FSTL4: variants seen among roughly 807,000 people sequenced by gnomAD.
The protein encoded by FSTL4 is follistatin-related protein 4.
A neutral mutation model predicts 78.2 loss-of-function variants in FSTL4; 28 were observed. That is an observed-to-expected ratio of 0.36 (90% CI 0.27 to 0.49). The LOEUF is 0.49. FSTL4 is among the 20% of genes least tolerant of loss of function. The probability of loss-of-function intolerance (pLI) is 0.98; values close to 1 mark genes in which losing one functional copy is unlikely to be tolerated. For synonymous variants in FSTL4, 422 were observed against 440.5 expected, an observed-to-expected ratio of 0.96 and a Z score of 0.53; for missense variants, 922 against 1,084.9, an observed-to-expected ratio of 0.85 and a Z score of 2.11.
intron 3 of FSTL4, among the ~76,000 whole-genome samples, chr5:133,458,928 G>A (rs1368803701): frequency 6.6e-6 from 1 of 152,202 alleles, no homozygotes; most frequent in Non-Finnish European, 1.5e-5. Context: ...ACCTGTTGTA[G>A]ACGGGGACGG....
At chr5:133,617,298 C>CAAAAA (rs145317097), upstream of FSTL4, among the ~76,000 whole-genome samples, 3 of 61,936 alleles carry the variant, frequency 4.8e-5, no homozygotes, top group Admixed American at 2.1e-4. Context: ...GACTCCATCT[C>CAAAAA]AAAAAAAAAA....
intron 4 of FSTL4, among the ~76,000 whole-genome samples, chr5:133,347,310 C>T (rs1453953020): frequency 6.6e-6 from 1 of 152,170 alleles, no homozygotes; most frequent in South Asian, 2.1e-4. Flanking sequence ...CCCTGGGCAG[C>T]GTACAGGTGA....
chr5:133,554,392 C>T (rs997340865), intron 3 of FSTL4, among the ~76,000 whole-genome samples: 1 of 152,306 alleles, frequency 6.6e-6, no homozygotes, highest in South Asian at 2.1e-4. Context: ...ATGACACTCG[C>T]GTCCTAATGG....
chr5:133,549,352 T>C (rs56102427), intron 3 of FSTL4, among the ~76,000 whole-genome samples: 64,487 of 151,896 alleles, frequency 0.42, 14,245 homozygotes, highest in African/African-American at 0.54. Context: ...TGCTCTGAAG[T>C]CTATCCTTTG....
At chr5:133,539,292 A>C (rs1033125387) in intron 3 of FSTL4, among the ~76,000 whole-genome samples, 13 of 152,258 alleles carry the variant, frequency 8.5e-5, no homozygotes, top group African/African-American at 3.1e-4. Context: ...TCCCATATGC[A>C]ATAATCCTCT....
chr5:133,635,749 C>A, the FSTL4 span, among the ~76,000 whole-genome samples: 2 of 151,934 alleles, frequency 1.3e-5, no homozygotes, highest in Admixed American at 6.6e-5. Flanking sequence ...GGTGACAGAG[C>A]GAGACTCCAT....
At chr5:133,541,717 CA>C (rs1759476394) in intron 3 of FSTL4, among the ~76,000 whole-genome samples, 1 of 152,092 alleles carries the variant, frequency 6.6e-6, no homozygotes, top group Admixed American at 6.5e-5. Context: ...ATCGTTTTGA[CA>C]AGTCCCCATG....
At chr5:133,560,205 T>C (rs776398357) in intron 3 of FSTL4, among the ~76,000 whole-genome samples, 1 of 152,172 alleles carries the variant, frequency 6.6e-6, no homozygotes, top group Admixed American at 6.5e-5. Flanking sequence ...CAGGTTCGGA[T>C]AGCATCACTG....
intron 4 of FSTL4, among the ~76,000 whole-genome samples, chr5:133,396,277 G>A (rs922998827): frequency 6.6e-6 from 1 of 152,182 alleles, no homozygotes; most frequent in East Asian, 1.9e-4. Flanking sequence ...CATGCCAGGT[G>A]CTGCTCCTGT....
At chr5:133,360,644 A>G (rs1755048001) in intron 4 of FSTL4, among the ~76,000 whole-genome samples, 1 of 152,226 alleles carries the variant, frequency 6.6e-6, no homozygotes, top group Non-Finnish European at 1.5e-5. Flanking sequence ...GAGATGACAC[A>G]TTTAAAAAGT....
chr5:133,800,028 C>T, the FSTL4 span, among the ~76,000 whole-genome samples: 1 of 139,006 alleles, frequency 7.2e-6, no homozygotes. Context: ...CAGCACGCGG[C>T]GTCCCAGCCC....
intron 3 of FSTL4, among the ~76,000 whole-genome samples, chr5:133,525,066 G>C (rs1037484691): frequency 2.6e-5 from 4 of 152,288 alleles, no homozygotes; most frequent in Non-Finnish European, 4.4e-5. Context: ...CCCAGCAGAC[G>C]GGTGCCCCAG....
intron 3 of FSTL4, among the ~76,000 whole-genome samples, chr5:133,532,622 A>T (rs577147170): frequency 1.3e-5 from 2 of 152,154 alleles, no homozygotes; most frequent in African/African-American, 4.8e-5. Context: ...CGTCAGAACC[A>T]GGCCTTATCT....
At chr5:133,352,638 T>C (rs1455596211) in intron 4 of FSTL4, among the ~76,000 whole-genome samples, 5 of 152,244 alleles carry the variant, frequency 3.3e-5, no homozygotes, top group African/African-American at 1.2e-4. Context: ...TCAAATACTG[T>C]TCCCATCTTT....
At chr5:133,372,269 G>GTATGTATC (rs143392836) in intron 4 of FSTL4, among the ~76,000 whole-genome samples, 1,743 of 142,956 alleles carry the variant, frequency 0.012, 19 homozygotes, top group South Asian at 0.025. Context: ...ATGTATGTAT[G>GTATGTATC]TATCTATCTA....
chr5:133,311,800 C>A (rs531117935), intron 6 of FSTL4, among the ~76,000 whole-genome samples: 30 of 152,276 alleles, frequency 2.0e-4, no homozygotes, highest in African/African-American at 6.0e-4. Flanking sequence ...CAGGTCACAC[C>A]CAAGGGTATA....
chr5:133,554,196 C>G lies in FSTL4; in HGVS notation c.160+12990G>C, dbSNP rs190743908. On this transcript the variant is annotated intron_variant, in intron 3 of 15. Coordinates refer to ENST00000265342, the MANE Select transcript of FSTL4 (RefSeq NM_015082.2). Reference sequence around the variant, plus strand: ...GCATTCAGGCAGGCTGCTTGGTGGACAGAGTGCAGTCGTGAAGACTGGCTA... The same window carrying G: ...GCATTCAGGCAGGCTGCTTGGTGGAGAGAGTGCAGTCGTGAAGACTGGCTA... Among the ~76,000 whole-genome samples, 72 of 152,266 alleles carry G rather than the reference C, an allele frequency of 4.7e-4. 1 individual carries two copies. In the Middle Eastern group the frequency reaches 0.01, roughly 22 times the overall value.
Position 133,370,501 on chromosome 5 carries a change from C to T in FSTL4, c.409+30237G>A, listed in dbSNP as rs139461832. Among the ~76,000 whole-genome samples the T allele has an allele frequency of 6.8e-3, 1,028 of 152,010 alleles. 10 individuals are homozygous for T. Among genetic ancestry groups the T allele is most frequent in the Non-Finnish European group, 0.011 (722 of 67,998 alleles). ...CCCAAAGTAAGACAGGGGTCCCAGG[C>T]CTGAAGGGAAACAGGACAGTAGTTC... On this transcript the variant is annotated intron_variant, in intron 4 of 15. Transcript: ENST00000265342.
chr5:133,741,369 C>T, the FSTL4 span, among the ~76,000 whole-genome samples: 3 of 152,256 alleles, frequency 2.0e-5, no homozygotes, highest in African/African-American at 7.2e-5. Context: ...CAAACTGCCC[C>T]TCAAGGCCAG....
Sources: gnomAD v4.1 joint callset for allele counts (sites outside exome capture counted in the v4.1 genomes callset) on GRCh38, gnomAD v4.1.1 for gene constraint, MANE v1.5 for transcripts, NCBI Gene and HGNC (gene_info 2026-07-23, HGNC 2026-07-21) for gene names.